Variants in RCOR1 observed in about 807,000 individuals in gnomAD.
RCOR1 encodes the protein REST corepressor 1.
Under a neutral mutation model 64.0 loss-of-function variants are expected in RCOR1, and 12 were observed. The observed-to-expected ratio is 0.19, with a 90% CI of 0.12 to 0.30. The LOEUF is 0.30. Among genes scored for constraint, RCOR1 ranks in the 10% least tolerant of loss-of-function variants. The pLI is 1.00. For missense variants in RCOR1, 502 were observed against 621.2 expected (o/e 0.81, Z 2.04); for synonymous variants, 279 against 227.2 (o/e 1.23, Z -2.05).
At chr14:102,715,787 A>G (rs1387832884) in intron 8 of RCOR1, among the ~76,000 whole-genome samples, 2 of 152,182 alleles carry the variant, frequency 1.3e-5, no homozygotes, top group African/African-American at 2.4e-5. Context: ...CTTTCTTTCA[A>G]CCTGAGAGCT....
At chr14:102,614,713 A>G (rs1359775642) in intron 2 of RCOR1, among the ~76,000 whole-genome samples, 1 of 152,202 alleles carries the variant, frequency 6.6e-6, no homozygotes, top group African/African-American at 2.4e-5. Context: ...GGGTGAGGCT[A>G]CAGGGCCGAA....
intron 2 of RCOR1, among the ~76,000 whole-genome samples, chr14:102,613,594 G>A (rs1893682942): frequency 1.3e-5 from 2 of 151,630 alleles, no homozygotes; most frequent in African/African-American, 4.8e-5. Context: ...CACTGCGCCC[G>A]GCTAATTTTT....
Position 102,714,481 on chromosome 14 carries a change from A to C in RCOR1, c.917A>C (p.Lys306Thr). Residue 306 changes from lysine (K) to threonine (T), a missense_variant, in exon 8 of 12, where the codon AAA (lysine) becomes ACA (threonine). Coordinates refer to ENST00000262241, the MANE Select transcript of RCOR1 (RefSeq NM_015156.4). Reference sequence around the variant, plus strand: ...AAAGAAAAACATAGCACACAAGCTAAAAATAGAGCAAAAAGGAAACCTCCA... The same window carrying C: ...AAAGAAAAACATAGCACACAAGCTACAAATAGAGCAAAAAGGAAACCTCCA... Reference protein sequence around the residue: ...VKKEKHSTQAKNRAKRKPPKG... With the variant: ...VKKEKHSTQATNRAKRKPPKG... The C allele has an allele frequency of 6.2e-7, 1 of 1,613,990 alleles. No homozygotes were observed. Among genetic ancestry groups the C allele is most frequent in the South Asian group, 1.1e-5 (1 of 91,072 alleles).
intron 2 of RCOR1, among the ~76,000 whole-genome samples, chr14:102,606,889 T>C (rs1021268674): frequency 2.6e-5 from 4 of 151,248 alleles, no homozygotes; most frequent in Non-Finnish European, 4.4e-5. Flanking sequence ...TTTTCTTGAA[T>C]AGGCTTTTGT....
chr14:102,632,153 GTTTAA>G (rs1250049168), intron 2 of RCOR1, among the ~76,000 whole-genome samples: 2 of 151,014 alleles, frequency 1.3e-5, no homozygotes, highest in African/African-American at 2.4e-5. Flanking sequence ...GACAGAAAGA[GTTTAA>G]TTTAACACTG....
intron 2 of RCOR1, among the ~76,000 whole-genome samples, chr14:102,609,119 C>T (rs2139887695): frequency 6.8e-6 from 1 of 147,910 alleles, no homozygotes; most frequent in Admixed American, 6.9e-5. Flanking sequence ...GATCTCAGCT[C>T]ACTGCAACCT....
At chr14:102,610,002 T>G (rs1387193207) in intron 2 of RCOR1, among the ~76,000 whole-genome samples, 1 of 151,874 alleles carries the variant, frequency 6.6e-6, no homozygotes, top group African/African-American at 2.4e-5. Context: ...AAAAATTAGC[T>G]GGGAGTAGTT....
chr14:102,702,506 T>A (rs1300081952), intron 4 of RCOR1, among the ~76,000 whole-genome samples: 2 of 150,398 alleles, frequency 1.3e-5, no homozygotes, highest in Non-Finnish European at 3.0e-5. Context: ...ATATAATTTT[T>A]AAAATAAAAG....
At chr14:102,720,943 G>C in intron 8 of RCOR1, 64 bp from the exon 9 acceptor site, 1 of 865,460 alleles carries the variant, frequency 1.2e-6, no homozygotes, top group South Asian at 2.0e-5. Context: ...AGGTTTTTAA[G>C]TTCTGTTTTC....
At chr14:102,672,732 A>T (rs1190362301) in intron 2 of RCOR1, among the ~76,000 whole-genome samples, 4 of 152,214 alleles carry the variant, frequency 2.6e-5, no homozygotes. Context: ...GCTGGCTAGA[A>T]TCAAAAAGTC....
chr14:102,667,462 C>G (rs1426781084), intron 2 of RCOR1, among the ~76,000 whole-genome samples: 1 of 152,026 alleles, frequency 6.6e-6, no homozygotes. Flanking sequence ...CATGGTACCA[C>G]TGTGCTCCAG....
At chr14:102,653,924 T>C (rs186833188) in intron 2 of RCOR1, among the ~76,000 whole-genome samples, 92 of 17,628 alleles carry the variant, frequency 5.2e-3, no homozygotes, top group East Asian at 4.9e-3. Context: ...TATTTCCTTC[T>C]TTCTTTCTTT....
intron 2 of RCOR1, among the ~76,000 whole-genome samples, chr14:102,604,764 A>G (rs1893470466): frequency 6.6e-6 from 1 of 152,100 alleles, no homozygotes; most frequent in Non-Finnish European, 1.5e-5. Context: ...TATTTTAGAG[A>G]GGGTCAGCCA....
At chr14:102,617,576 A>G (rs1020693925) in intron 2 of RCOR1, among the ~76,000 whole-genome samples, 12 of 144,322 alleles carry the variant, frequency 8.3e-5, no homozygotes, top group African/African-American at 3.1e-4. Flanking sequence ...CAACGAAGAC[A>G]CTGTCTCTTT....
At chr14:102,653,307 C>T (rs1278811235) in intron 2 of RCOR1, among the ~76,000 whole-genome samples, 2 of 152,150 alleles carry the variant, frequency 1.3e-5, no homozygotes, top group Non-Finnish European at 2.9e-5. Context: ...GAGCCTCCGC[C>T]TCCTGGGCTC....
intron 4 of RCOR1, among the ~76,000 whole-genome samples, chr14:102,704,651 C>T (rs763412124): frequency 6.6e-6 from 1 of 152,196 alleles, no homozygotes; most frequent in Non-Finnish European, 1.5e-5. Context: ...AGGCTGGTCT[C>T]GAACTCCTGA....
intron 2 of RCOR1, among the ~76,000 whole-genome samples, chr14:102,639,091 C>T (rs1894304498): frequency 6.6e-6 from 1 of 152,124 alleles, no homozygotes; most frequent in Admixed American, 6.6e-5. Context: ...AAGTTTATAA[C>T]TTGTTGCTAG....
intron 2 of RCOR1, among the ~76,000 whole-genome samples, chr14:102,603,044 GTTTTTAA>G (rs987367478): frequency 3.9e-5 from 6 of 152,098 alleles, no homozygotes; most frequent in African/African-American, 7.2e-5. Context: ...AGTGTCTTAT[GTTTTTAA>G]TTTTTAATTT....
intron 10 of RCOR1, 196 bp downstream of exon 10, chr14:102,721,573 TA>T (rs990251371): frequency 7.6e-6 from 3 of 393,800 alleles, no homozygotes; most frequent in African/African-American, 4.2e-5. Context: ...ATTTTTTTTT[TA>T]ATGGAAAAAA....
Sources: gnomAD v4.1 joint callset for allele counts (sites outside exome capture counted in the v4.1 genomes callset) on GRCh38, gnomAD v4.1.1 for gene constraint, MANE v1.5 for transcripts, NCBI Gene and HGNC (gene_info 2026-07-23, HGNC 2026-07-21) for gene names.